The following TRAF3IP1 variants were observed in gnomAD, a reference collection of about 807,000 sequenced individuals.
TRAF3IP1 encodes intraflagellar transport 54, also known as TRAF3-interacting protein 1.
A neutral mutation model predicts 89.9 loss-of-function variants in TRAF3IP1; 53 were observed. The ratio of observed to expected loss-of-function variants is 0.59; its 90% CI spans 0.47 to 0.74. The LOEUF is 0.74. Ranked by LOEUF, TRAF3IP1 falls within the 30% of genes least tolerant of loss-of-function variation. The probability of loss-of-function intolerance (pLI) is 0.00; values close to 1 mark genes in which losing one functional copy is unlikely to be tolerated. For synonymous variants in TRAF3IP1, 311 were observed against 322.1 expected (o/e 0.97, Z 0.37); for missense variants, 806 against 866.1 (o/e 0.93, Z 0.87).
intron 3 of TRAF3IP1, among the ~76,000 whole-genome samples, chr2:238,326,259 G>T (rs1465273829): frequency 1.3e-5 from 2 of 152,240 alleles, no homozygotes; most frequent in East Asian, 3.8e-4. Flanking sequence ...GAGGCTGGAG[G>T]CTGCAGGCCC....
At chr2:238,358,457 G>A (rs550989661) in intron 15 of TRAF3IP1, among the ~76,000 whole-genome samples, 1 of 152,278 alleles carries the variant, frequency 6.6e-6, no homozygotes, top group South Asian at 2.1e-4. Context: ...AATCGCTTGA[G>A]CCCAGGAAGC....
At chr2:238,397,116 A>G (rs992308649) in intron 15 of TRAF3IP1, among the ~76,000 whole-genome samples, 2 of 152,216 alleles carry the variant, frequency 1.3e-5, no homozygotes, top group African/African-American at 4.8e-5. Context: ...TCTTGTAACA[A>G]TAGCTACAAA....
chr2:238,359,312 G>C (rs1699561753), intron 15 of TRAF3IP1, among the ~76,000 whole-genome samples: 1 of 152,154 alleles, frequency 6.6e-6, no homozygotes, highest in South Asian at 2.1e-4. Context: ...ACCCTCCACA[G>C]TGTCATGTGC....
chr2:238,323,526 G>C (rs575561046), intron 1 of TRAF3IP1, among the ~76,000 whole-genome samples: 2 of 152,342 alleles, frequency 1.3e-5, no homozygotes, highest in East Asian at 1.9e-4. Flanking sequence ...ACATAGTGTG[G>C]TGTGGAATGA....
Position 238,399,848 on chromosome 2 carries a change from A to G in TRAF3IP1, c.*929A>G, listed in dbSNP as rs2106390321. The G allele has an allele frequency of 1.3e-5, 2 of 152,218 alleles. 1 individual carries two copies. The highest frequency in any genetic ancestry group is 4.1e-4 in the South Asian group (2 of 4,822). 9.4% of individuals were successfully genotyped at this position (152,218 alleles called of 1,614,324 possible). A position where few individuals can be genotyped will look rare whatever the true frequency, so the allele number is the denominator to read the frequency against. On this transcript the variant is annotated 3_prime_UTR_variant, in exon 17 of 17. Coordinates refer to ENST00000373327, the MANE Select transcript of TRAF3IP1 (RefSeq NM_015650.4). Reference sequence around the variant, plus strand: ...TTTACGACGTTTTTTGATGTTAGCCATTTTTTTGGAAATTGTTTTTTAAAG... The same window carrying G: ...TTTACGACGTTTTTTGATGTTAGCCGTTTTTTTGGAAATTGTTTTTTAAAG...
intron 15 of TRAF3IP1, among the ~76,000 whole-genome samples, chr2:238,369,654 C>G (rs982234462): frequency 6.6e-6 from 1 of 152,192 alleles, no homozygotes; most frequent in Non-Finnish European, 1.5e-5. Context: ...CTGAGTGGTT[C>G]AAGGTTTCAG....
chr2:238,348,798 T>C lies in TRAF3IP1; in HGVS notation c.1317T>C (p.Ser439=), dbSNP rs2106392474. The C allele has an allele frequency of 6.2e-7, 1 of 1,614,172 alleles. No homozygotes were observed. Among genetic ancestry groups the C allele is most frequent in the Non-Finnish European group, 8.5e-7 (1 of 1,180,014 alleles). ...CTGGACCTGCTGGCCAAGATAAGTC[T>C]GAGGTGCCAGAGACTCCAGAAATTC... ...GDAGPAGQDK[S]EVPETPEIPN... Residue 439 remains serine, a synonymous_variant, in exon 11 of 17, where the codon TCT becomes TCC. Coordinates refer to ENST00000373327, the MANE Select transcript of TRAF3IP1 (RefSeq NM_015650.4).
chr2:238,344,092 T>C (rs911261567), intron 8 of TRAF3IP1, among the ~76,000 whole-genome samples: 5 of 152,198 alleles, frequency 3.3e-5, no homozygotes, highest in African/African-American at 9.6e-5. Flanking sequence ...CTGTGCACTG[T>C]GTCCAAAATA....
intron 15 of TRAF3IP1, among the ~76,000 whole-genome samples, chr2:238,381,129 A>ATTTTT (rs1700530831): frequency 7.9e-6 from 1 of 126,950 alleles, no homozygotes; most frequent in Non-Finnish European, 1.8e-5. Flanking sequence ...TTTTTTAATT[A>ATTTTT]TTTATTTATT....
chr2:238,337,386 G>C (rs933369865), intron 7 of TRAF3IP1, among the ~76,000 whole-genome samples: 3 of 152,212 alleles, frequency 2.0e-5, no homozygotes, highest in Non-Finnish European at 4.4e-5. Context: ...GGAAAGGGCC[G>C]GGCCAGGAAG....
At chr2:238,357,128 T>G (rs1173470565) in intron 15 of TRAF3IP1, among the ~76,000 whole-genome samples, 1 of 152,090 alleles carries the variant, frequency 6.6e-6, no homozygotes, top group African/African-American at 2.4e-5. Flanking sequence ...TGTACCTGGT[T>G]CCCCGCAGTC....
intron 15 of TRAF3IP1, among the ~76,000 whole-genome samples, chr2:238,370,311 CTG>C (rs761019003): frequency 9.9e-5 from 15 of 151,848 alleles, no homozygotes; most frequent in South Asian, 2.1e-4. Context: ...ATGTTTATGT[CTG>C]TATTGTGCAT....
intron 15 of TRAF3IP1, among the ~76,000 whole-genome samples, chr2:238,396,807 T>C (rs918834160): frequency 6.6e-6 from 1 of 152,182 alleles, no homozygotes; most frequent in African/African-American, 2.4e-5. Flanking sequence ...CCCTGACCCC[T>C]GGACTCTGTG....
chr2:238,327,427 G>A (rs1697894347), intron 3 of TRAF3IP1, among the ~76,000 whole-genome samples: 1 of 152,236 alleles, frequency 6.6e-6, no homozygotes, highest in Non-Finnish European at 1.5e-5. Flanking sequence ...CAATCACGCA[G>A]CATGTGCTTG....
Position 238,397,526 on chromosome 2 carries a change from T to G in TRAF3IP1, c.1757T>G (p.Leu586Arg). The G allele has an allele frequency of 6.2e-7, 1 of 1,613,076 alleles. No homozygotes were observed. Among genetic ancestry groups the G allele is most frequent in the South Asian group, 1.1e-5 (1 of 91,088 alleles). The change falls in exon 16 of 17, where the codon CTC becomes CGC. Residue 586 changes from leucine (L) to arginine (R), a missense_variant. Leu to Arg is a moderately radical substitution (Grantham distance 102). Around this residue, in one of 3 missense-constraint regions of TRAF3IP1, gnomAD observed 732 missense variants for 780.5 expected, o/e 0.94. Coordinates refer to ENST00000373327, the MANE Select transcript of TRAF3IP1 (RefSeq NM_015650.4). ...KDIVSKEIEK[L>R]RTSIQTLCKS... ...ATCGTTTCCAAGGAGATAGAGAAGC[T>G]CCGCACGTCCATCCAGACCCTGTGC...
intron 8 of TRAF3IP1, among the ~76,000 whole-genome samples, chr2:238,342,445 G>T (rs1027243909): frequency 6.6e-6 from 1 of 151,718 alleles, no homozygotes; most frequent in African/African-American, 2.4e-5. Context: ...TGTGAACTTG[G>T]GGTTTAGTAA....
At position 238,325,856 on chromosome 2, in the gene TRAF3IP1, T is replaced by C; in HGVS notation, c.240T>C (p.Val80=). The C allele has an allele frequency of 3.1e-6, 5 of 1,614,188 alleles. No homozygotes were observed. Among genetic ancestry groups the C allele is most frequent in the Non-Finnish European group, 3.4e-6 (4 of 1,180,026 alleles). ...TCCTACAAAAGGCCATAGACGTGGT[T>C]GTAATGGTGTCGGGAGAGCCACTGT... is the stretch of plus-strand genomic sequence containing the variant. ...ISFLQKAIDV[V]VMVSGEPLLA... The change falls in exon 3 of 17, where the codon GTT becomes GTC. Residue 80 remains valine, a synonymous_variant. Coordinates refer to ENST00000373327, the MANE Select transcript of TRAF3IP1 (RefSeq NM_015650.4).
chr2:238,324,272 T>C (rs1236948001), intron 1 of TRAF3IP1, among the ~76,000 whole-genome samples: 1 of 152,170 alleles, frequency 6.6e-6, no homozygotes, highest in African/African-American at 2.4e-5. Context: ...TTCACCTTGT[T>C]GGCCAGGCTG....
chr2:238,376,341 A>G (rs1394118740), intron 15 of TRAF3IP1, among the ~76,000 whole-genome samples: 1 of 152,186 alleles, frequency 6.6e-6, no homozygotes, highest in Non-Finnish European at 1.5e-5. Flanking sequence ...GCCGGTCCAC[A>G]GGCTGTAGTT....
Sources: allele counts gnomAD v4.1 joint callset (sites outside exome capture counted in the v4.1 genomes callset), GRCh38; gene constraint gnomAD v4.1.1; regional missense constraint gnomAD v4.1.1; transcripts MANE v1.5; gene names NCBI Gene and HGNC (gene_info 2026-07-23, HGNC 2026-07-21).